The following BMP5 variants were observed in gnomAD, a reference collection of about 807,000 sequenced individuals.
The protein encoded by BMP5 is bone morphogenetic protein 5.
In BMP5, 23 loss-of-function variants were observed where a neutral mutation model predicts 46.6. The ratio of observed to expected loss-of-function variants is 0.49; its 90% CI spans 0.35 to 0.70. The LOEUF (loss-of-function observed/expected upper bound fraction) is 0.70, where lower values mean the gene tolerates loss of function less well. BMP5 is among the 30% of genes least tolerant of loss of function. The probability of loss-of-function intolerance (pLI) is 0.00; values close to 1 mark genes in which losing one functional copy is unlikely to be tolerated. For missense variants in BMP5, 545 were observed against 565.6 expected, an observed-to-expected ratio of 0.96 and a Z score of 0.37; for synonymous variants, 204 against 191.9, an observed-to-expected ratio of 1.06 and a Z score of -0.52.
intron 6 of BMP5, among the ~76,000 whole-genome samples, chr6:55,756,437 T>C (rs1277797643): frequency 6.6e-6 from 1 of 151,958 alleles, no homozygotes; most frequent in East Asian, 1.9e-4. Flanking sequence ...AGTGAAATGC[T>C]TAAGTAAAGG....
chr6:55,813,556 G>A (rs1776183915), intron 2 of BMP5, among the ~76,000 whole-genome samples: 1 of 151,920 alleles, frequency 6.6e-6, no homozygotes, highest in Non-Finnish European at 1.5e-5. Flanking sequence ...TTTGGGGGCC[G>A]AGGCGGGCGG....
At chr6:55,834,264 T>C (rs916107539) in intron 1 of BMP5, among the ~76,000 whole-genome samples, 1 of 152,198 alleles carries the variant, frequency 6.6e-6, no homozygotes, top group Non-Finnish European at 1.5e-5. Context: ...CACTTTAGGG[T>C]AGACTTTACT....
intron 3 of BMP5, among the ~76,000 whole-genome samples, chr6:55,781,294 A>T (rs1404545076): frequency 6.6e-6 from 1 of 152,136 alleles, no homozygotes; most frequent in Non-Finnish European, 1.5e-5. Flanking sequence ...ACTTTTTAAA[A>T]TAAAAATTAT....
intron 4 of BMP5, among the ~76,000 whole-genome samples, chr6:55,771,565 T>C (rs1775047415): frequency 1.3e-5 from 2 of 151,866 alleles, no homozygotes; most frequent in Non-Finnish European, 2.9e-5. Context: ...TCCTATTCTG[T>C]GCTGGTTTCT....
chr6:55,845,329 A>G (rs1777072993), intron 1 of BMP5, among the ~76,000 whole-genome samples: 1 of 151,994 alleles, frequency 6.6e-6, no homozygotes, highest in African/African-American at 2.4e-5. Flanking sequence ...AAATTACTTG[A>G]CATCTGAAGG....
chr6:55,773,464 A>G (rs1383305998), intron 4 of BMP5, among the ~76,000 whole-genome samples: 1 of 151,434 alleles, frequency 6.6e-6, no homozygotes, highest in Non-Finnish European at 1.5e-5. Context: ...GACTGACATG[A>G]ATTGTGCATT....
chr6:55,826,464 T>C (rs1425634421), intron 1 of BMP5, among the ~76,000 whole-genome samples: 1 of 151,812 alleles, frequency 6.6e-6, no homozygotes, highest in East Asian at 1.9e-4. Context: ...AATTAAGACA[T>C]TTAATTGTTG....
chr6:55,809,648 G>GA (rs1400627197), intron 2 of BMP5, among the ~76,000 whole-genome samples: 1 of 151,850 alleles, frequency 6.6e-6, no homozygotes, highest in Non-Finnish European at 1.5e-5. Flanking sequence ...GAAAGAGAGA[G>GA]AAAAAGGATA....
chr6:55,838,432 G>A (rs1478462276), intron 1 of BMP5, among the ~76,000 whole-genome samples: 1 of 152,074 alleles, frequency 6.6e-6, no homozygotes, highest in Non-Finnish European at 1.5e-5. Context: ...TTTGCCATTT[G>A]TATGTCTTCT....
chr6:55,776,303 CT>C (rs1775170594), intron 3 of BMP5, among the ~76,000 whole-genome samples: 1 of 151,908 alleles, frequency 6.6e-6, no homozygotes, highest in Admixed American at 6.6e-5. Context: ...AGCCCTTTCA[CT>C]GTAAAAAGAG....
chr6:55,768,021 T>A (rs1774957179), intron 4 of BMP5, among the ~76,000 whole-genome samples: 1 of 151,948 alleles, frequency 6.6e-6, no homozygotes, highest in African/African-American at 2.4e-5. Context: ...TAAGGTAATC[T>A]ATTATGTATG....
At position 55,854,597 on chromosome 6, in the gene BMP5, T is replaced by C. The variant is rs145637419; in HGVS notation, c.490+19779A>G. On this transcript the variant is annotated intron_variant, in intron 1 of 6. Transcript: ENST00000370830. ...CTCATTTCACAATTATTGTTGAAGATAATTTTGTCACATAGAGGAGCAAGG... is the reference window on the plus strand; with the variant it reads ...CTCATTTCACAATTATTGTTGAAGACAATTTTGTCACATAGAGGAGCAAGG... Among the ~76,000 whole-genome samples, 346 of 152,204 alleles carry C rather than the reference T, an allele frequency of 2.3e-3. 1 individual carries two copies. The highest frequency in any genetic ancestry group is 3.7e-3 in the Non-Finnish European group (251 of 67,948).
chr6:55,791,047 C>T (rs560864211), intron 3 of BMP5, among the ~76,000 whole-genome samples: 1 of 152,304 alleles, frequency 6.6e-6, no homozygotes, highest in Non-Finnish European at 1.5e-5. Flanking sequence ...TGAAAGCAGA[C>T]TTTCCTATCA....
chr6:55,785,631 A>G (rs1410745685), intron 3 of BMP5, among the ~76,000 whole-genome samples: 1 of 151,804 alleles, frequency 6.6e-6, no homozygotes, highest in East Asian at 1.9e-4. Context: ...CATGTTTACC[A>G]TAAATGTACA....
At position 55,760,640 on chromosome 6, in the gene BMP5, G is replaced by C; in HGVS notation, c.1028-107C>G. 4.2e-6 allele frequency: 4 copies of C among 951,680 alleles called. No homozygotes were observed. The South Asian group carries it at 4.4e-5, about 10-fold the overall frequency. 59.0% of individuals were successfully genotyped at this position (951,680 alleles called of 1,614,324 possible). A position where few individuals can be genotyped will look rare whatever the true frequency, so the allele number is the denominator to read the frequency against. On this transcript the variant is annotated intron_variant, in intron 4 of 6. Transcript: ENST00000370830. ...TTTTAAAGGGGTTTTATTTGAAGTT[G>C]TGGAAAAATGAGTTTCAATCTTAAA...
At chr6:55,826,503 A>G (rs1776536861) in intron 1 of BMP5, among the ~76,000 whole-genome samples, 1 of 151,606 alleles carries the variant, frequency 6.6e-6, no homozygotes. Flanking sequence ...TTAAAAATAT[A>G]ATAGTTTAGA....
In BMP5 at chr6:55,774,100, G is replaced by A. The variant is rs746918830; in HGVS notation, c.976C>T (p.Arg326Cys). ...TCCTGATGAGAGCTGGATTTATTGC[G>A]GTTTTGATTTTTTCGTTTGTTGGCT... The part of the protein sequence containing the change: ...RAANKRKNQN[R>C]NKSSSHQDSS... The change falls in exon 4 of 7, where the codon CGC becomes TGC. Residue 326 changes from arginine (R) to cysteine (C), a missense_variant. By Grantham distance (180) the Arg-to-Cys change is radical. Transcript: ENST00000370830. The A allele has an allele frequency of 1.1e-5, 17 of 1,612,830 alleles. No homozygotes were observed. Among genetic ancestry groups the A allele is most frequent in the African/African-American group, 2.7e-5 (2 of 74,774 alleles).
At chr6:55,800,541 G>A (rs1775823210) in intron 2 of BMP5, among the ~76,000 whole-genome samples, 1 of 152,092 alleles carries the variant, frequency 6.6e-6, no homozygotes, top group Non-Finnish European at 1.5e-5. Context: ...CGATATATAA[G>A]GGATGTGAAC....
chr6:55,840,858 T>C (rs1776930168), intron 1 of BMP5, among the ~76,000 whole-genome samples: 1 of 152,190 alleles, frequency 6.6e-6, no homozygotes, highest in East Asian at 1.9e-4. Flanking sequence ...CGTAGTATAG[T>C]TCTCCTTAGG....
Sources: gnomAD v4.1 joint callset for allele counts (sites outside exome capture counted in the v4.1 genomes callset) on GRCh38, gnomAD v4.1.1 for gene constraint, MANE v1.5 for transcripts, NCBI Gene and HGNC (gene_info 2026-07-23, HGNC 2026-07-21) for gene names.